Variants in SYN3 observed in about 807,000 individuals in gnomAD.
The protein encoded by SYN3 is synapsin-3.
A neutral mutation model predicts 65.8 loss-of-function variants in SYN3; 35 were observed. The ratio of observed to expected loss-of-function variants is 0.53; its 90% CI spans 0.41 to 0.70. The LOEUF (loss-of-function observed/expected upper bound fraction) is 0.70, where lower values mean the gene tolerates loss of function less well. Ranked by LOEUF, SYN3 falls within the 30% of genes least tolerant of loss-of-function variation. The pLI, the probability that SYN3 is intolerant of heterozygous loss-of-function variation, is 0.00. For synonymous variants in SYN3, 270 were observed against 292.9 expected (o/e 0.92, Z 0.80); for missense variants, 680 against 749.0 (o/e 0.91, Z 1.08).
chr22:32,805,728 T>C lies in SYN3; in HGVS notation c.711+59187A>G, dbSNP rs960698382. 2.0e-5 allele frequency among the ~76,000 whole-genome samples: 3 copies of C among 150,308 alleles called. No homozygotes were observed. In the Admixed American group the frequency reaches 2.0e-4, roughly 10 times the overall value. On this transcript the variant is annotated intron_variant, in intron 6 of 13. Coordinates refer to ENST00000358763, the MANE Select transcript of SYN3 (RefSeq NM_003490.4). ...CTGTGCTTGTCCAAGGCCACCCAGT[T>C]GCTAAATGATAAAGCTAAAACGTAT...
intron 3 of SYN3, among the ~76,000 whole-genome samples, chr22:32,952,125 T>C (rs2051307738): frequency 6.6e-6 from 1 of 152,034 alleles, no homozygotes; most frequent in Non-Finnish European, 1.5e-5. Context: ...GCTTTGAGAG[T>C]CTGCCCACTC....
chr22:32,707,931 C>G (rs1025218556), intron 6 of SYN3, among the ~76,000 whole-genome samples: 1 of 152,150 alleles, frequency 6.6e-6, no homozygotes, highest in Non-Finnish European at 1.5e-5. Context: ...TGTAAGAATT[C>G]AGAGGGAATT....
chr22:32,829,369 T>A (rs1236522833), intron 6 of SYN3, among the ~76,000 whole-genome samples: 4 of 152,214 alleles, frequency 2.6e-5, no homozygotes, highest in Admixed American at 6.5e-5. Flanking sequence ...AGGCAACATG[T>A]CCCCTTTGCC....
chr22:32,709,130 C>T (rs1021141440), intron 6 of SYN3, among the ~76,000 whole-genome samples: 6 of 152,224 alleles, frequency 3.9e-5, no homozygotes, highest in African/African-American at 7.2e-5. Context: ...AATGTCCCAG[C>T]TGTGGCTTTG....
At chr22:33,004,710 G>A (rs1411664785) in intron 2 of SYN3, among the ~76,000 whole-genome samples, 1 of 152,220 alleles carries the variant, frequency 6.6e-6, no homozygotes, top group African/African-American at 2.4e-5. Context: ...GCTTCTAAGA[G>A]GAAGGGATTT....
At chr22:32,517,097 T>G (rs1485604839) in intron 13 of SYN3, among the ~76,000 whole-genome samples, 1 of 152,224 alleles carries the variant, frequency 6.6e-6, no homozygotes, top group African/African-American at 2.4e-5. Flanking sequence ...ATGACTGCAA[T>G]GATTCCTCTT....
intron 6 of SYN3, among the ~76,000 whole-genome samples, chr22:32,614,344 T>C (rs934559806): frequency 6.6e-6 from 1 of 152,234 alleles, no homozygotes; most frequent in Non-Finnish European, 1.5e-5. Flanking sequence ...CCTGAGATAC[T>C]GACTCTGAGC....
intron 2 of SYN3, among the ~76,000 whole-genome samples, chr22:32,993,591 G>C (rs1038594424): frequency 6.6e-6 from 1 of 152,152 alleles, no homozygotes; most frequent in African/African-American, 2.4e-5. Flanking sequence ...TGATTCACCC[G>C]CCTTGGCCTC....
intron 6 of SYN3, among the ~76,000 whole-genome samples, chr22:32,704,567 A>T (rs78521459): frequency 1.3e-5 from 2 of 152,194 alleles, no homozygotes; most frequent in African/African-American, 4.8e-5. Flanking sequence ...ATTTATATTC[A>T]TTTGGGTATA....
chr22:32,704,213 T>C (rs978504945), intron 6 of SYN3, among the ~76,000 whole-genome samples: 1 of 152,118 alleles, frequency 6.6e-6, no homozygotes, highest in African/African-American at 2.4e-5. Context: ...TTTTTTTCCC[T>C]CCTCTCACTC....
intron 6 of SYN3, among the ~76,000 whole-genome samples, chr22:32,709,360 T>G (rs1293451072): frequency 6.6e-6 from 1 of 152,224 alleles, no homozygotes; most frequent in Non-Finnish European, 1.5e-5. Context: ...ATATTAATTT[T>G]CTATAAACGT....
chr22:32,674,301 G>C (rs1010081692), intron 6 of SYN3, among the ~76,000 whole-genome samples: 1 of 152,156 alleles, frequency 6.6e-6, no homozygotes, highest in Non-Finnish European at 1.5e-5. Flanking sequence ...ATTGGGGTGG[G>C]GAGGCACCTG....
At chr22:32,920,034 G>A (rs1477260734) in intron 4 of SYN3, among the ~76,000 whole-genome samples, 1 of 152,162 alleles carries the variant, frequency 6.6e-6, no homozygotes, top group African/African-American at 2.4e-5. Context: ...GGAGGGGGAG[G>A]ATCTGAGAGA....
chr22:32,951,190 C>G (rs1035994141), intron 3 of SYN3, among the ~76,000 whole-genome samples: 2 of 152,178 alleles, frequency 1.3e-5, no homozygotes, highest in African/African-American at 4.8e-5. Context: ...ATGCCTCCCC[C>G]CATCCCCCTA....
intron 4 of SYN3, among the ~76,000 whole-genome samples, chr22:32,878,775 G>A (rs557491795): frequency 6.6e-6 from 1 of 152,194 alleles, no homozygotes; most frequent in East Asian, 1.9e-4. Context: ...TCTGTAGGAG[G>A]GCACAACCAC....
intron 4 of SYN3, among the ~76,000 whole-genome samples, chr22:32,885,006 T>C (rs1211394915): frequency 6.6e-6 from 1 of 152,258 alleles, no homozygotes; most frequent in Non-Finnish European, 1.5e-5. Context: ...ACAGTTAGGT[T>C]GTTTCTAAGC....
chr22:32,572,352 CCCTTACTTCCCTTCCACCCTCCCTCCCAT>C (rs2058777571), intron 7 of SYN3, among the ~76,000 whole-genome samples: 3 of 109,568 alleles, frequency 2.7e-5, no homozygotes, highest in South Asian at 3.6e-4. Context: ...TTCCTTCCTT[CCCTTACTTCCCTTCCACCCTCCCTCCCAT>C]CTTTCCTTCC....
chr22:32,997,217 C>G (rs180893893), intron 2 of SYN3, among the ~76,000 whole-genome samples: 137 of 152,238 alleles, frequency 9.0e-4, no homozygotes, highest in Middle Eastern at 3.4e-3. Flanking sequence ...TACTGGTGCC[C>G]CATACAGTTA....
At chr22:33,048,395 A>G (rs1259769394) in intron 1 of SYN3, among the ~76,000 whole-genome samples, 1 of 152,172 alleles carries the variant, frequency 6.6e-6, no homozygotes, top group African/African-American at 2.4e-5. Flanking sequence ...AATCATGTGT[A>G]GCTAAAAATA....
Sources: allele counts gnomAD v4.1 joint callset (sites outside exome capture counted in the v4.1 genomes callset), GRCh38; gene constraint gnomAD v4.1.1; transcripts MANE v1.5; gene names NCBI Gene and HGNC (gene_info 2026-07-23, HGNC 2026-07-21).